TPST2: variants seen among roughly 807,000 people sequenced by gnomAD.
TPST2 encodes tyrosylprotein sulfotransferase 2.
A neutral mutation model predicts 27.8 loss-of-function variants in TPST2; 16 were observed. The observed-to-expected ratio is 0.58, with a 90% CI of 0.39 to 0.88. The LOEUF (loss-of-function observed/expected upper bound fraction) is 0.88, where lower values mean the gene tolerates loss of function less well. Ranked by LOEUF, TPST2 falls within the 40% of genes least tolerant of loss-of-function variation. The pLI is 0.00. For missense variants in TPST2, 464 were observed against 543.1 expected (o/e 0.85, Z 1.45); for synonymous variants, 229 against 231.7 (o/e 0.99, Z 0.10).
At chr22:26,552,283 ACTT>A (rs1301689698) in intron 1 of TPST2, among the ~76,000 whole-genome samples, 2 of 152,116 alleles carry the variant, frequency 1.3e-5, no homozygotes, top group Non-Finnish European at 2.9e-5. Context: ...ATCAGGGGTG[ACTT>A]CTTCTCCCTG....
At chr22:26,576,835 A>G (rs937821046) in intron 1 of TPST2, among the ~76,000 whole-genome samples, 166 of 151,648 alleles carry the variant, frequency 1.1e-3, no homozygotes, top group Admixed American at 6.2e-3. Flanking sequence ...GGTGGCTCAC[A>G]CCTGTAATCC....
rs1030901640 is a variant in TPST2, at chr22:26,578,159, G to A, written c.-161+11894C>T. 5.3e-5 allele frequency among the ~76,000 whole-genome samples: 8 copies of A among 152,176 alleles called. No homozygotes were observed. In the East Asian group the frequency reaches 5.8e-4, roughly 11 times the overall value. On this transcript the variant is annotated intron_variant, in intron 1 of 6. Coordinates refer to ENST00000338754, the MANE Select transcript of TPST2 (RefSeq NM_003595.5). ...ATCCGCGCATCTCCGCCTCCCAATCGCTCATTTAATCCTCACAACTAATCT... is the reference window on the plus strand; with the variant it reads ...ATCCGCGCATCTCCGCCTCCCAATCACTCATTTAATCCTCACAACTAATCT...
At chr22:26,528,459 G>A (rs1376368291) in intron 5 of TPST2, among the ~76,000 whole-genome samples, 197 bp from the exon 6 acceptor site, 1 of 152,146 alleles carries the variant, frequency 6.6e-6, no homozygotes, top group African/African-American at 2.4e-5. Context: ...CGGAACTTAC[G>A]TTCGAGTTGA....
At chr22:26,542,165 C>T (rs1179798304) in intron 2 of TPST2, among the ~76,000 whole-genome samples, 1 of 150,860 alleles carries the variant, frequency 6.6e-6, no homozygotes, top group Non-Finnish European at 1.5e-5. Flanking sequence ...TGGCGTGAAC[C>T]TGGGAGGCAG....
At chr22:26,554,219 T>C (rs1926653131) in intron 1 of TPST2, among the ~76,000 whole-genome samples, 1 of 152,114 alleles carries the variant, frequency 6.6e-6, no homozygotes, top group African/African-American at 2.4e-5. Context: ...CCCCACCCCA[T>C]ACACAGATGG....
At chr22:26,576,169 T>TA (rs1446780376) in intron 1 of TPST2, among the ~76,000 whole-genome samples, 1 of 152,128 alleles carries the variant, frequency 6.6e-6, no homozygotes, top group Non-Finnish European at 1.5e-5. Flanking sequence ...TTCACACTCT[T>TA]ACTAATTAAG....
chr22:26,584,914 G>A (rs1928281149), intron 1 of TPST2, among the ~76,000 whole-genome samples: 1 of 152,180 alleles, frequency 6.6e-6, no homozygotes, highest in Non-Finnish European at 1.5e-5. Flanking sequence ...CCTTTTGACA[G>A]ACGGAGGAAC....
chr22:26,579,087 C>T (rs1380635958), intron 1 of TPST2, among the ~76,000 whole-genome samples: 3 of 152,106 alleles, frequency 2.0e-5, no homozygotes, highest in Admixed American at 6.6e-5. Flanking sequence ...CCTGAGCTCA[C>T]GCAAGTGATC....
chr22:26,574,239 G>A lies in TPST2; in HGVS notation c.-161+15814C>T, dbSNP rs539080159. Among the ~76,000 whole-genome samples, 12 of 152,192 alleles carry A rather than the reference G, an allele frequency of 7.9e-5. No individual in the cohort carries two copies. In the South Asian group the frequency reaches 8.3e-4, roughly 11 times the overall value. On this transcript the variant is annotated intron_variant, in intron 1 of 6. Coordinates refer to ENST00000338754, the MANE Select transcript of TPST2 (RefSeq NM_003595.5). ...ATGGGTGAAGAACAACAAAATTTTCGTTGCTATGAATTACTGAGCACTTCT... is the reference window on the plus strand; with the variant it reads ...ATGGGTGAAGAACAACAAAATTTTCATTGCTATGAATTACTGAGCACTTCT...
intron 1 of TPST2, among the ~76,000 whole-genome samples, chr22:26,572,279 CG>C (rs1569194792): frequency 2.0e-5 from 3 of 152,016 alleles, no homozygotes; most frequent in African/African-American, 7.3e-5. Context: ...CAGAATTCTG[CG>C]GGGAGGCTAA....
chr22:26,544,931 C>T (rs1336301790), intron 1 of TPST2, among the ~76,000 whole-genome samples: 1 of 152,188 alleles, frequency 6.6e-6, no homozygotes, highest in Non-Finnish European at 1.5e-5. Context: ...GCTAAGGCGC[C>T]GCTGCCTTAG....
chr22:26,574,425 A>C (rs1432656546), intron 1 of TPST2, among the ~76,000 whole-genome samples: 2 of 152,104 alleles, frequency 1.3e-5, no homozygotes, highest in African/African-American at 2.4e-5. Flanking sequence ...AGTGTGTCTG[A>C]CTTGAGAGTT....
chr22:26,537,874 C>T (rs1925563414), intron 3 of TPST2, among the ~76,000 whole-genome samples: 1 of 152,140 alleles, frequency 6.6e-6, no homozygotes, highest in South Asian at 2.1e-4. Context: ...AGTTTTTTTT[C>T]CCCACTCAAT....
At position 26,576,958 on chromosome 22, in the gene TPST2, T is replaced by C. The variant is rs927853822; in HGVS notation, c.-161+13095A>G. On this transcript the variant is annotated intron_variant, in intron 1 of 6. Transcript: ENST00000338754. ...AAAAATACAAAAAATTAGCCGGGCG[T>C]GGTGGCAGATGCCTGTAGTCCCAGC... Among the ~76,000 whole-genome samples the C allele has an allele frequency of 2.6e-5, 4 of 151,474 alleles. No homozygotes were observed. The East Asian group carries it at 7.7e-4, about 29-fold the overall frequency.
intron 1 of TPST2, among the ~76,000 whole-genome samples, chr22:26,581,418 G>A (rs1928109117): frequency 6.6e-6 from 1 of 152,218 alleles, no homozygotes; most frequent in Non-Finnish European, 1.5e-5. Context: ...ACAGGTATTT[G>A]TTGAGTAAAC....
intron 1 of TPST2, among the ~76,000 whole-genome samples, chr22:26,578,463 G>A (rs1018571696): frequency 2.0e-5 from 3 of 152,198 alleles, no homozygotes; most frequent in Admixed American, 6.6e-5. Flanking sequence ...CTCCATCCAC[G>A]GTGAGGTCAG....
chr22:26,576,469 C>G (rs991233169), intron 1 of TPST2, among the ~76,000 whole-genome samples: 1 of 152,054 alleles, frequency 6.6e-6, no homozygotes, highest in Non-Finnish European at 1.5e-5. Context: ...AGGAAGGAAT[C>G]TGAGCTGAGT....
At chr22:26,578,482 G>C (rs147850085) in intron 1 of TPST2, among the ~76,000 whole-genome samples, 1 of 152,128 alleles carries the variant, frequency 6.6e-6, no homozygotes, top group East Asian at 1.9e-4. Flanking sequence ...AGCAACCTCC[G>C]ACCCTGCAAA....
chr22:26,571,810 T>A (rs1285676483), intron 1 of TPST2, among the ~76,000 whole-genome samples: 1 of 152,158 alleles, frequency 6.6e-6, no homozygotes, highest in Admixed American at 6.5e-5. Context: ...TTCCTCCCCA[T>A]GAACCCCTGA....
Sources: gnomAD v4.1 joint callset for allele counts (sites outside exome capture counted in the v4.1 genomes callset) on GRCh38, gnomAD v4.1.1 for gene constraint, MANE v1.5 for transcripts, NCBI Gene and HGNC (gene_info 2026-07-23, HGNC 2026-07-21) for gene names.